The following UNC13C variants were observed in gnomAD, a reference collection of about 807,000 sequenced individuals.
UNC13C encodes the protein unc-13 homolog C.
In UNC13C, 174 loss-of-function variants were observed where a neutral mutation model predicts 245.4. The observed-to-expected ratio is 0.71, with a 90% confidence interval of 0.63 to 0.80. The LOEUF is 0.80. Among genes scored for constraint, UNC13C ranks in the 30% least tolerant of loss-of-function variants. The pLI is 0.00. For synonymous variants in UNC13C, 992 were observed against 895.1 expected (o/e 1.11, Z -1.93); for missense variants, 2,829 against 2,602.9 (o/e 1.09, Z -1.89).
chr15:54,199,520 G>A (rs1355632150), intron 4 of UNC13C, among the ~76,000 whole-genome samples: 1 of 152,080 alleles, frequency 6.6e-6, no homozygotes, highest in Non-Finnish European at 1.5e-5. Context: ...AGCTAGAAGA[G>A]ATTGGAGTCC....
chr15:54,159,973 T>C (rs1194806294), intron 4 of UNC13C, among the ~76,000 whole-genome samples: 3 of 152,128 alleles, frequency 2.0e-5, no homozygotes, highest in Non-Finnish European at 4.4e-5. Context: ...AAAACATCAA[T>C]TGTATGCAAT....
At position 54,071,531 on chromosome 15, in the gene UNC13C, C is replaced by T. The variant is rs141856700; in HGVS notation, c.2983+55645C>T. On this transcript the variant is annotated intron_variant, in intron 2 of 32. Transcript: ENST00000260323. ...TACCATACACAAAAAAATGAGACTCCATATGATCAGTTCTGAATGGCTGAC... is the reference window on the plus strand; with the variant it reads ...TACCATACACAAAAAAATGAGACTCTATATGATCAGTTCTGAATGGCTGAC... Among the ~76,000 whole-genome samples the T allele has an allele frequency of 3.9e-5, 6 of 152,076 alleles. No homozygotes were observed. In the East Asian group the frequency reaches 1.2e-3, roughly 29 times the overall value.
chr15:54,254,415 G>T (rs1353004577), intron 8 of UNC13C, among the ~76,000 whole-genome samples: 1 of 152,182 alleles, frequency 6.6e-6, no homozygotes, highest in African/African-American at 2.4e-5. Context: ...ATATGTTTAA[G>T]TAATGAGTAC....
chr15:54,176,041 T>TG (rs1243664988), intron 4 of UNC13C, among the ~76,000 whole-genome samples: 7 of 152,360 alleles, frequency 4.6e-5, no homozygotes, highest in African/African-American at 1.7e-4. Context: ...TCACACTTAG[T>TG]GTAGATGTCT....
chr15:54,356,092 C>T (rs188719442), intron 17 of UNC13C, among the ~76,000 whole-genome samples: 2 of 152,216 alleles, frequency 1.3e-5, no homozygotes, highest in Admixed American at 1.3e-4. Context: ...CGTGGTATTC[C>T]ACTGAATGGA....
Position 54,176,949 on chromosome 15 carries a change from C to T in UNC13C, c.3071+33265C>T, listed in dbSNP as rs530414956. ...AGATTAATATTCTTTATCATGGGAACACCAGTAGCATTGAGATTGATGTTA... is the reference window on the plus strand; with the variant it reads ...AGATTAATATTCTTTATCATGGGAATACCAGTAGCATTGAGATTGATGTTA... On this transcript the variant is annotated intron_variant, in intron 4 of 32. Transcript: ENST00000260323. Among the ~76,000 whole-genome samples the T allele has an allele frequency of 3.3e-5, 5 of 152,136 alleles. 1 individual carries two copies. The highest frequency in any genetic ancestry group is 2.6e-4 in the Admixed American group (4 of 15,288).
intron 1 of UNC13C, among the ~76,000 whole-genome samples, chr15:53,984,028 T>A (rs142680775): frequency 1.3e-5 from 2 of 152,242 alleles, no homozygotes; most frequent in African/African-American, 4.8e-5. Context: ...TGCTTGAATC[T>A]TCCAATTGTT....
the UNC13C span, among the ~76,000 whole-genome samples, chr15:53,904,264 G>A: frequency 1.3e-5 from 2 of 152,000 alleles, no homozygotes; most frequent in Non-Finnish European, 2.9e-5. Context: ...TAGCATTTGA[G>A]GAATTTATGG....
chr15:53,930,058 C>T, the UNC13C span, among the ~76,000 whole-genome samples: 5,310 of 152,212 alleles, frequency 0.035, 138 homozygotes, highest in Middle Eastern at 0.078. Context: ...CTCAGCTGGC[C>T]GCCTTGACCT....
chr15:54,361,814 A>G (rs1166257246), intron 17 of UNC13C, among the ~76,000 whole-genome samples: 3 of 152,202 alleles, frequency 2.0e-5, no homozygotes, highest in African/African-American at 7.2e-5. Context: ...TCAGAACTGA[A>G]TTGCTGCTCT....
intron 1 of UNC13C, among the ~76,000 whole-genome samples, chr15:53,989,001 T>C (rs904753581): frequency 6.6e-6 from 1 of 151,984 alleles, no homozygotes; most frequent in Admixed American, 6.6e-5. Flanking sequence ...CCCTTGAATA[T>C]ATCTTTCACT....
rs1216044630 is a variant in UNC13C at position 54,628,450 on chromosome 15, A to ATTCT, written c.*1338_*1341dup. ...GCTTAGTATCATGACTGTCAGAACC[A>ATTCT]TTCTGCAACTGAGTATGAAATCACA... On this transcript the variant is annotated 3_prime_UTR_variant, in exon 33 of 33. Coordinates refer to ENST00000260323, the MANE Select transcript of UNC13C (RefSeq NM_001080534.3). 1 of 152,732 alleles carries ATTCT rather than the reference A, an allele frequency of 6.5e-6. No homozygotes were observed. Among genetic ancestry groups the ATTCT allele is most frequent in the Admixed American group, 6.5e-5 (1 of 15,280 alleles). 9.5% of individuals were successfully genotyped at this position (152,732 alleles called of 1,614,324 possible). A position where few individuals can be genotyped will look rare whatever the true frequency, so the allele number is the denominator to read the frequency against.
intron 1 of UNC13C, among the ~76,000 whole-genome samples, chr15:53,981,253 T>C (rs1893916923): frequency 6.6e-6 from 1 of 152,184 alleles, no homozygotes; most frequent in Non-Finnish European, 1.5e-5. Context: ...AACATATATG[T>C]TTCTGTTATT....
upstream of UNC13C, among the ~76,000 whole-genome samples, chr15:53,976,473 C>CACT (rs1893702751): frequency 3.6e-5 from 1 of 27,522 alleles, no homozygotes. Context: ...CTCTCTCTCT[C>CACT]TCTCTTTTTT....
chr15:54,197,694 T>C (rs1184909799), intron 4 of UNC13C, among the ~76,000 whole-genome samples: 2 of 151,962 alleles, frequency 1.3e-5, no homozygotes, highest in African/African-American at 2.4e-5. Flanking sequence ...CAGATTAAGA[T>C]GGAGGATAGG....
Position 54,181,491 on chromosome 15 carries a change from T to TG in UNC13C, c.3071+37807_3071+37808insG, listed in dbSNP as rs1262349913. ...TTGTTTTGTTTTGTTTTTTGTTTGT[T>TG]TTTGTTTTTTCTTCTTAGGCTTGCT... On this transcript the variant is annotated intron_variant, in intron 4 of 32. Transcript: ENST00000260323. 4.1e-3 allele frequency among the ~76,000 whole-genome samples: 502 copies of TG among 123,264 alleles called. 5 individuals are homozygous for TG. Among genetic ancestry groups the TG allele is most frequent in the African/African-American group, 0.019 (486 of 25,078 alleles). 80.9% of individuals were successfully genotyped at this position (123,264 alleles called of 152,430 possible).
the UNC13C span, among the ~76,000 whole-genome samples, chr15:53,862,844 A>T: frequency 6.6e-6 from 1 of 152,056 alleles, no homozygotes; most frequent in Non-Finnish European, 1.5e-5. Flanking sequence ...CCAGCATATG[A>T]TTTGAGGGGT....
intron 30 of UNC13C, among the ~76,000 whole-genome samples, chr15:54,620,113 T>G (rs1427241145): frequency 6.6e-6 from 1 of 152,130 alleles, no homozygotes; most frequent in Non-Finnish European, 1.5e-5. Context: ...GTAAATTTTG[T>G]CTTAGAAAAG....
At chr15:54,280,834 G>A (rs995493992) in intron 10 of UNC13C, among the ~76,000 whole-genome samples, 4 of 150,636 alleles carry the variant, frequency 2.7e-5, no homozygotes, top group Admixed American at 6.6e-5. Flanking sequence ...GTCTCACTCT[G>A]TCGCCCAGGC....
Sources: gnomAD v4.1 joint callset for allele counts (sites outside exome capture counted in the v4.1 genomes callset) on GRCh38, gnomAD v4.1.1 for gene constraint, MANE v1.5 for transcripts, NCBI Gene and HGNC (gene_info 2026-07-23, HGNC 2026-07-21) for gene names.